The following ADGRF3 variants were observed in gnomAD, a reference collection of about 807,000 sequenced individuals.
ADGRF3 encodes the protein adhesion G protein-coupled receptor F3.
In ADGRF3, 85 loss-of-function variants were observed where a neutral mutation model predicts 93.2. The ratio of observed to expected loss-of-function variants is 0.91; its 90% CI spans 0.77 to 1.09. The LOEUF is 1.09. Among genes scored for constraint, ADGRF3 ranks in the 50% least tolerant of loss-of-function variants. The pLI, the probability that ADGRF3 is intolerant of heterozygous loss-of-function variation, is 0.00. For synonymous variants in ADGRF3, 534 were observed against 532.5 expected (o/e 1.00, Z -0.04); for missense variants, 1,125 against 1,246.2 (o/e 0.90, Z 1.46).
chr2:26,339,326 C>T (rs190336697), intron 1 of ADGRF3, among the ~76,000 whole-genome samples: 7 of 151,806 alleles, frequency 4.6e-5, no homozygotes, highest in South Asian at 4.2e-4. Context: ...TGAAACCCCA[C>T]CTCTACTAAA....
At chr2:26,336,358 G>A (rs1286194391) in intron 1 of ADGRF3, among the ~76,000 whole-genome samples, 1 of 146,830 alleles carries the variant, frequency 6.8e-6, no homozygotes, top group Non-Finnish European at 1.5e-5. Flanking sequence ...GTATGTATGT[G>A]TGTGTGCGTG....
At chr2:26,318,133 AG>A in intron 1 of ADGRF3, 1 of 1,511,522 alleles carries the variant, frequency 6.6e-7, no homozygotes, top group Non-Finnish European at 8.9e-7. Flanking sequence ...TCTGGTAGGG[AG>A]GTGAGGATGG....
intron 1 of ADGRF3, among the ~76,000 whole-genome samples, chr2:26,345,445 G>C (rs777656250): frequency 6.6e-6 from 1 of 152,254 alleles, no homozygotes; most frequent in East Asian, 1.9e-4. Context: ...TGATAGAGCG[G>C]AGTGCGATGA....
chr2:26,345,828 G>A (rs1255516341), intron 1 of ADGRF3: 1 of 411,442 alleles, frequency 2.4e-6, no homozygotes, highest in Non-Finnish European at 4.4e-6. Flanking sequence ...CCCCGGGACC[G>A]GGAGCAAAGC....
At chr2:26,319,555 C>CT (rs1463892804) in intron 1 of ADGRF3, among the ~76,000 whole-genome samples, 4 of 33,016 alleles carry the variant, frequency 1.2e-4, no homozygotes, top group Non-Finnish European at 2.2e-4. Flanking sequence ...CTCTCCCTCC[C>CT]TCCCTCCCTC....
chr2:26,332,606 G>A (rs1319812434), intron 1 of ADGRF3, among the ~76,000 whole-genome samples: 1 of 152,102 alleles, frequency 6.6e-6, no homozygotes, highest in African/African-American at 2.4e-5. Context: ...TGGGCATGGT[G>A]GTATGTGCCT....
Position 26,311,828 on chromosome 2 carries a change from G to A in ADGRF3, c.1696C>T (p.Gln566Ter). The change falls in exon 10 of 14, where the codon CAG (glutamine) becomes TAG (stop). Residue 566 changes from glutamine (Q) to a stop codon, truncating the protein, a stop_gained. Transcript: ENST00000651242. LOFTEE classifies it high-confidence loss of function. Reference protein sequence around the residue: ...SISFPTRPPLQAQIPRHSLAP... With the variant: ...SISFPTRPPL Reference sequence around the variant, plus strand: ...AGTGAGTGCCTGGGAATCTGAGCCTGCAGTGGGGGCCGAGTAGGGAAGGAG... The same window carrying A: ...AGTGAGTGCCTGGGAATCTGAGCCTACAGTGGGGGCCGAGTAGGGAAGGAG... 2 of 1,613,912 alleles carry A rather than the reference G, an allele frequency of 1.2e-6. No homozygotes were observed. The highest frequency in any genetic ancestry group is 1.7e-6 in the Non-Finnish European group (2 of 1,179,838).
intron 1 of ADGRF3, 75 bp downstream of exon 1, chr2:26,346,046 G>T: frequency 7.0e-7 from 1 of 1,437,900 alleles, no homozygotes. Flanking sequence ...CGTGGGCTGC[G>T]CTTGCGCACT....
intron 4 of ADGRF3, 142 bp from the exon 5 acceptor site, chr2:26,315,882 TG>T (rs1674609284): frequency 3.1e-6 from 4 of 1,276,444 alleles, no homozygotes; most frequent in Non-Finnish European, 4.3e-6. Flanking sequence ...TTTTTGTCCC[TG>T]GGTGGGCACC....
intron 1 of ADGRF3, among the ~76,000 whole-genome samples, chr2:26,319,567 C>A (rs1674998228): frequency 2.3e-5 from 1 of 43,082 alleles, no homozygotes; most frequent in Admixed American, 2.7e-4. Context: ...CCCTCCCTCC[C>A]TTCCTTCCTT....
chr2:26,318,103 G>A lies in ADGRF3; in HGVS notation c.115-541C>T, dbSNP rs1287455467. Reference sequence around the variant, plus strand: ...CCAAAGCTAGAAGATAGGGGGATGGGGCAGGCAGGGAAGGGTCTGTCTGGT... The same window carrying A: ...CCAAAGCTAGAAGATAGGGGGATGGAGCAGGCAGGGAAGGGTCTGTCTGGT... On this transcript the variant is annotated intron_variant, in intron 1 of 13. Transcript: ENST00000651242. 1.0e-5 allele frequency: 16 copies of A among 1,547,730 alleles called. No individual in the cohort carries two copies. The highest frequency in any genetic ancestry group is 4.1e-5 in the African/African-American group (3 of 72,994).
chr2:26,339,195 C>G (rs1676233475), intron 1 of ADGRF3, among the ~76,000 whole-genome samples: 2 of 146,424 alleles, frequency 1.4e-5, no homozygotes, highest in South Asian at 4.5e-4. Flanking sequence ...GGTCCCTTAA[C>G]TTCAAAATGC....
rs370350634 is a variant in ADGRF3 at position 26,310,210 on chromosome 2, G to A, written c.2860C>T (p.Leu954Phe). Residue 954 changes from leucine (L) to phenylalanine (F), a missense_variant, in exon 11 of 14, where the codon CTC becomes TTC. Physicochemically the swap from Leu to Phe is conservative, Grantham distance 22 (BLOSUM62 0). Coordinates refer to ENST00000651242, the MANE Select transcript of ADGRF3 (RefSeq NM_001321971.2). ...QGVFILLFGC[L>F]MDRKIQEALR... ...GGCAGACTTACCTTCCTGTCCATGA[G>A]GCAACCAAACAATAGGATGAAGACG... 6.2e-7 allele frequency: 1 copy of A among 1,613,916 alleles called. No homozygotes were observed. Among genetic ancestry groups the A allele is most frequent in the Non-Finnish European group, 8.5e-7 (1 of 1,179,910 alleles).
chr2:26,336,686 A>G (rs1574732033), intron 1 of ADGRF3, among the ~76,000 whole-genome samples: 1 of 129,074 alleles, frequency 7.7e-6, no homozygotes, highest in East Asian at 2.6e-4. Flanking sequence ...AGATCTTGGC[A>G]CTACACTCCA....
intron 1 of ADGRF3, among the ~76,000 whole-genome samples, chr2:26,324,568 G>A (rs1413264468): frequency 8.5e-5 from 13 of 152,194 alleles, no homozygotes. Context: ...GTGAAAATAT[G>A]TGGTATTTGG....
chr2:26,319,534 T>TTCCC (rs1228764250), intron 1 of ADGRF3, among the ~76,000 whole-genome samples: 3 of 130,546 alleles, frequency 2.3e-5, no homozygotes, highest in African/African-American at 8.6e-5. Context: ...CCTCCCTTCC[T>TTCCC]TCCCTTCTTT....
rs527897711 is a variant in ADGRF3, at chr2:26,317,776, C to T, written c.115-214G>A. On this transcript the variant is annotated intron_variant, in intron 1 of 13. Transcript: ENST00000651242. ...TGCTATCCCACCCAAGACCAGGAAC[C>T]AGGCACGCCCTGGGAAGTCAACATG... Among the ~76,000 whole-genome samples, 227 of 152,358 alleles carry T rather than the reference C, an allele frequency of 1.5e-3. 2 individuals are homozygous for T. The highest frequency in any genetic ancestry group is 0.014 in the South Asian group (67 of 4,828).
In ADGRF3 at chr2:26,310,787, T is replaced by C; in HGVS notation, c.2737A>G (p.Ile913Val). 1 of 1,613,714 alleles carries C rather than the reference T, an allele frequency of 6.2e-7. No homozygotes were observed. Among genetic ancestry groups the C allele is most frequent in the Non-Finnish European group, 8.5e-7 (1 of 1,179,748 alleles). The part of the protein sequence containing the change: ...VIKALLILTP[I>V]FGLTWGLGLA... The stretch of plus-strand genomic sequence containing the variant: ...CCCAGCCCCCAGGTGAGGCCAAAGA[T>C]GGGTGTAAGAATGAGCAGGGCTTTG... The change falls in exon 10 of 14, where the codon ATC becomes GTC. Residue 913 changes from isoleucine (I) to valine (V), a missense_variant. By Grantham distance (29) the Ile-to-Val change is conservative (BLOSUM62 3). Coordinates refer to ENST00000651242, the MANE Select transcript of ADGRF3 (RefSeq NM_001321971.2).
chr2:26,320,060 A>G (rs1675061504), intron 1 of ADGRF3, among the ~76,000 whole-genome samples: 1 of 152,238 alleles, frequency 6.6e-6, no homozygotes, highest in Non-Finnish European at 1.5e-5. Context: ...AAAGGAAATA[A>G]ATTTGACTGT....
Sources: allele counts gnomAD v4.1 joint callset (sites outside exome capture counted in the v4.1 genomes callset), GRCh38; gene constraint gnomAD v4.1.1; transcripts MANE v1.5; gene names NCBI Gene and HGNC (gene_info 2026-07-23, HGNC 2026-07-21).